FBXO41: variants seen among roughly 807,000 people sequenced by gnomAD.
FBXO41 encodes F-box protein 41, also known as F-box only protein 41.
FBXO41 carries 33 observed loss-of-function variants against 81.6 expected under a neutral mutation model. The ratio of observed to expected loss-of-function variants is 0.40; its 90% CI spans 0.31 to 0.54. FBXO41 has a LOEUF of 0.54. FBXO41 is among the 20% of genes least tolerant of loss of function. FBXO41 has a pLI of 0.39. For missense variants in FBXO41, 1,107 were observed against 1,236.0 expected (o/e 0.90, Z 1.56); for synonymous variants, 576 against 552.7 (o/e 1.04, Z -0.59).
Position 73,260,082 on chromosome 2 carries a change from G to C in FBXO41, c.2449+307C>G, listed in dbSNP as rs765159085. 6.6e-6 allele frequency among the ~76,000 whole-genome samples: 1 copy of C among 152,030 alleles called. No individual in the cohort carries two copies. The highest frequency in any genetic ancestry group is 2.4e-5 in the African/African-American group (1 of 41,364). The stretch of plus-strand genomic sequence containing the variant: ...TCTTCACCCTGAGAACTGTCCTTGG[G>C]GGGGCTTCCATATATCATCTCATTT... On this transcript the variant is annotated intron_variant, in intron 11 of 12. Transcript: ENST00000520530. The surrounding 1 kb of genome is among the most constrained non-coding windows in gnomAD (Gnocchi z 5.0).
Position 73,265,896 on chromosome 2 carries a change from G to A in FBXO41, c.1202C>T (p.Thr401Ile). The change falls in exon 4 of 13, where the codon ACA becomes ATA. Residue 401 changes from threonine (T) to isoleucine (I), a missense_variant. Thr to Ile is a moderately conservative substitution (Grantham distance 89, BLOSUM62 -1). Around this residue, in one of 2 missense-constraint regions of FBXO41, gnomAD observed 771 missense variants for 789.2 expected, o/e 0.98. Transcript: ENST00000520530. ...GTGGGCTGGGCCCAAGGCTTACCCT[G>A]TGCTCGGAGAGGAGCCATGCCGTGA... Reference protein sequence around the residue: ...AVSRHGSSPSTGASSRVPAAS... With the variant: ...AVSRHGSSPSIGASSRVPAAS... The A allele has an allele frequency of 1.3e-6, 2 of 1,584,944 alleles. No homozygotes were observed. Among genetic ancestry groups the A allele is most frequent in the Non-Finnish European group, 8.6e-7 (1 of 1,165,556 alleles).
intron 4 of FBXO41, 95 bp downstream of exon 4, chr2:73,265,798 G>T: frequency 6.8e-7 from 1 of 1,472,512 alleles, no homozygotes; most frequent in Non-Finnish European, 9.2e-7. Flanking sequence ...CCCAGGGAGG[G>T]TAGGGGCAGG....
Position 73,266,526 on chromosome 2 carries a change from G to A in FBXO41, c.1062C>T (p.Pro354=), listed in dbSNP as rs2103879394. The change falls in exon 3 of 13, where the codon CCC becomes CCT. Residue 354 remains proline, a synonymous_variant. Transcript: ENST00000520530. The surrounding 1 kb of genome is among the most constrained non-coding windows in gnomAD (Gnocchi z 5.3). ...QVISSSCGST[P]SASLGRGGGG... is the part of the protein sequence containing the mutation. ...CACCTCCACGGCCCAGGCTGGCGCTGGGCGTGCTGCCACAGCTGCTGCTGA... is the reference window on the plus strand; with the variant it reads ...CACCTCCACGGCCCAGGCTGGCGCTAGGCGTGCTGCCACAGCTGCTGCTGA... The A allele has an allele frequency of 1.9e-6, 3 of 1,605,166 alleles. No homozygotes were observed. The highest frequency in any genetic ancestry group is 3.4e-5 in the Admixed American group (2 of 59,114).
chr2:73,278,713 G>C (rs6546814), intron 1 of FBXO41, among the ~76,000 whole-genome samples: 1 of 152,188 alleles, frequency 6.6e-6, no homozygotes, highest in Non-Finnish European at 1.5e-5. Context: ...GACTCTTGAA[G>C]AGCAAAATAT....
rs752206156 is a variant in FBXO41 at position 73,260,837 on chromosome 2, A to C, written c.2193T>G (p.Ser731Arg). 5.1e-6 allele frequency: 8 copies of C among 1,567,216 alleles called. No individual in the cohort carries two copies. The highest frequency in any genetic ancestry group is 6.1e-6 in the Non-Finnish European group (7 of 1,154,942). Reference protein sequence around the residue: ...LHPCQQPTRFSNRCLQMIGRC... With the variant: ...LHPCQQPTRFRNRCLQMIGRC... ...GACCAATCATCTGCAGGCAGCGGTT[A>C]CTGAAGCGTGTGGGCTGCTGGCTGG... Residue 731 changes from serine (S) to arginine (R), a missense_variant, in exon 10 of 13, where the codon AGT becomes AGG. This residue lies in a region of FBXO41 where 336 missense variants were observed against 446.7 expected (regional missense o/e 0.75). Coordinates refer to ENST00000520530, the MANE Select transcript of FBXO41 (RefSeq NM_001371389.2). This position sits in a 1 kb window ranked among gnomAD's most constrained non-coding sequence, Gnocchi z 5.0.
chr2:73,270,790 C>G (rs771901311), intron 1 of FBXO41: 5 of 533,924 alleles, frequency 9.4e-6, no homozygotes, highest in African/African-American at 1.9e-5. Flanking sequence ...TCACTCTTCT[C>G]CTACCTTGTG....
chr2:73,259,762 G>A lies in FBXO41; in HGVS notation c.2450-466C>T, dbSNP rs1687939084. 6.6e-6 allele frequency among the ~76,000 whole-genome samples: 1 copy of A among 152,134 alleles called. No homozygotes were observed. The highest frequency in any genetic ancestry group is 2.1e-4 in the South Asian group (1 of 4,826). On this transcript the variant is annotated intron_variant, in intron 11 of 12. Coordinates refer to ENST00000520530, the MANE Select transcript of FBXO41 (RefSeq NM_001371389.2). The surrounding 1 kb of genome is among the most constrained non-coding windows in gnomAD (Gnocchi z 4.2). ...AAGATCAGGCGACTGAGAAGGGCCTGGAGGTCATGATTCTGGAGGCTGAGC... is the reference window on the plus strand; with the variant it reads ...AAGATCAGGCGACTGAGAAGGGCCTAGAGGTCATGATTCTGGAGGCTGAGC...
chr2:73,260,458 G>A lies in FBXO41; in HGVS notation c.2380C>T (p.Leu794=). Residue 794 remains leucine, a synonymous_variant, in exon 11 of 13, where the codon CTG becomes TTG. Transcript: ENST00000520530. The surrounding 1 kb of genome is among the most constrained non-coding windows in gnomAD (Gnocchi z 5.0). ...EVAAEVCREG[L]KGLEMLVLTA... ...AGCACCAGCATCTCCAGTCCCTTCAGGCCTTCCCGGCAGACCTCTGCTGCC... is the reference window on the plus strand; with the variant it reads ...AGCACCAGCATCTCCAGTCCCTTCAAGCCTTCCCGGCAGACCTCTGCTGCC... 2 of 1,607,730 alleles carry A rather than the reference G, an allele frequency of 1.2e-6. No individual in the cohort carries two copies. The highest frequency in any genetic ancestry group is 2.2e-5 in the South Asian group (2 of 89,398).
rs143726968 is a variant in FBXO41, at chr2:73,265,630, G to A, written c.1216C>T (p.Arg406Cys). The change falls in exon 5 of 13, where the codon CGT becomes TGT. Residue 406 changes from arginine to cysteine, a missense_variant. This residue lies in a region of FBXO41 where 771 missense variants were observed against 789.2 expected (regional missense o/e 0.98). Coordinates refer to ENST00000520530, the MANE Select transcript of FBXO41 (RefSeq NM_001371389.2). Reference sequence around the variant, plus strand: ...GAGCTCTGGGATGCGGCTGGCACACGGCTGGAGGCCCTGGGGCAGGGTGGA... The same window carrying A: ...GAGCTCTGGGATGCGGCTGGCACACAGCTGGAGGCCCTGGGGCAGGGTGGA... ...GSSPSTGASS[R>C]VPAASQSSGC... is the part of the protein sequence containing the mutation. 174 of 1,513,570 alleles carry A rather than the reference G, an allele frequency of 1.1e-4. No individual in the cohort carries two copies. The highest frequency in any genetic ancestry group is 7.1e-4 in the Middle Eastern group (4 of 5,610). The allele number at this position is 1,513,570 out of a possible 1,614,324, so 93.8% of individuals were successfully genotyped here. A position where few individuals can be genotyped will look rare whatever the true frequency, so the allele number is the denominator to read the frequency against.
At position 73,269,090 on chromosome 2, in the gene FBXO41, G is replaced by A. The variant is rs1032321777; in HGVS notation, c.541C>T (p.Pro181Ser). The change falls in exon 2 of 13, where the codon CCC (proline) becomes TCC (serine). Residue 181 changes from proline (P) to serine (S), a missense_variant. Physicochemically the swap from Pro to Ser is moderately conservative, Grantham distance 74. This residue lies in a region of FBXO41 where 771 missense variants were observed against 789.2 expected (regional missense o/e 0.98). Coordinates refer to ENST00000520530, the MANE Select transcript of FBXO41 (RefSeq NM_001371389.2). This position sits in a 1 kb window ranked among gnomAD's most constrained non-coding sequence, Gnocchi z 7.0. ...GCGGGCGAAGCGGAGGCAGGCCCGG[G>A]GCAAGGGCCGGGGCCGGGGCCAGGC... ...PPPGPGPGPC[P>S]GPASASPASP... 8 of 1,507,308 alleles carry A rather than the reference G, an allele frequency of 5.3e-6. No homozygotes were observed. In the African/African-American group the frequency reaches 1.1e-4, roughly 22 times the overall value. The allele number at this position is 1,507,308 out of a possible 1,614,324, so 93.4% of individuals were successfully genotyped here. A position where few individuals can be genotyped will look rare whatever the true frequency, so the allele number is the denominator to read the frequency against.
At chr2:73,281,695 T>C (rs990476795) in intron 1 of FBXO41, among the ~76,000 whole-genome samples, 8 of 152,318 alleles carry the variant, frequency 5.3e-5, no homozygotes, top group African/African-American at 1.9e-4. Context: ...GCTCTCAACA[T>C]AATGCAGCTG....
chr2:73,262,516 T>A (rs1398079065), intron 9 of FBXO41, among the ~76,000 whole-genome samples: 1 of 152,362 alleles, frequency 6.6e-6, no homozygotes, highest in East Asian at 1.9e-4. Context: ...ACCTTTCATA[T>A]GTCAAACAAA....
Position 73,260,824 on chromosome 2 carries a change from GC to G in FBXO41, c.2205del (p.Gln736ArgfsTer2). 1 of 1,569,754 alleles carries G rather than the reference GC, an allele frequency of 6.4e-7. No individual in the cohort carries two copies. Among genetic ancestry groups the G allele is most frequent in the Non-Finnish European group, 8.6e-7 (1 of 1,156,200 alleles). On this transcript the variant is annotated frameshift_variant, in exon 10 of 13. Transcript: ENST00000520530. LOFTEE classifies it high-confidence loss of function. This position sits in a 1 kb window ranked among gnomAD's most constrained non-coding sequence, Gnocchi z 5.0. ...TGGGGCCAACAGCGACCAATCATCT[GC>G]AGGCAGCGGTTACTGAAGCGTGTGG... ...QQPTRFSNRC[L>X]QMIGRCWPHL...
Position 73,254,797 on chromosome 2 carries a change from T to TA in FBXO41, c.*4184dup, listed in dbSNP as rs1687744941. 6.5e-6 allele frequency: 1 copy of TA among 152,708 alleles called. No individual in the cohort carries two copies. Among genetic ancestry groups the TA allele is most frequent in the Admixed American group, 6.5e-5 (1 of 15,282 alleles). 9.5% of individuals were successfully genotyped at this position (152,708 alleles called of 1,614,324 possible). On this transcript the variant is annotated 3_prime_UTR_variant, in exon 13 of 13. Transcript: ENST00000520530. Reference sequence around the variant, plus strand: ...CAGGTACATTCAGCAAAGGGCATCTTACGGGTGACATGGAGCAAAGTGCTG... The same window carrying TA: ...CAGGTACATTCAGCAAAGGGCATCTTAACGGGTGACATGGAGCAAAGTGCTG...
At position 73,258,967 on chromosome 2, in the gene FBXO41, C is replaced by A; in HGVS notation, c.*15G>T. 6.4e-7 allele frequency: 1 copy of A among 1,563,180 alleles called. No individual in the cohort carries two copies. The highest frequency in any genetic ancestry group is 8.7e-7 in the Non-Finnish European group (1 of 1,154,092). On this transcript the variant is annotated 3_prime_UTR_variant, in exon 13 of 13. Coordinates refer to ENST00000520530, the MANE Select transcript of FBXO41 (RefSeq NM_001371389.2). ...GGTGTGGGGCTGGCAGGGGCCCTGC[C>A]GCCCCCTACCCGGGTTAGCAGCCGC...
In FBXO41 at chr2:73,271,087, T is replaced by C. The variant is rs1016074757; in HGVS notation, c.-138-1319A>G. On this transcript the variant is annotated intron_variant, in intron 1 of 12. Transcript: ENST00000520530. ...GTCTGCCTCTGGAGCCCTCCATCTC[T>C]ATTCTCCCCCTAGGAAGGCAGTCAG... is the stretch of plus-strand genomic sequence containing the variant. 33 of 374,780 alleles carry C rather than the reference T, an allele frequency of 8.8e-5. 1 individual carries two copies. The highest frequency in any genetic ancestry group is 6.4e-4 in the South Asian group (32 of 50,290). The allele number at this position is 374,780 out of a possible 1,614,324, so 23.2% of individuals were successfully genotyped here.
chr2:73,269,846 C>A lies in FBXO41; in HGVS notation c.-138-78G>T. 4.8e-6 allele frequency: 1 copy of A among 208,278 alleles called. No homozygotes were observed. Among genetic ancestry groups the A allele is most frequent in the Non-Finnish European group, 9.3e-6 (1 of 107,228 alleles). The allele number at this position is 208,278 out of a possible 1,614,324, so 12.9% of individuals were successfully genotyped here. ...GCTCCCAGCCCGGAGCCCTCATCCC[C>A]CAGCCATGAGGAAATCAGCATTGAG... On this transcript the variant is annotated intron_variant, in intron 1 of 12. Coordinates refer to ENST00000520530, the MANE Select transcript of FBXO41 (RefSeq NM_001371389.2). The surrounding 1 kb of genome is among the most constrained non-coding windows in gnomAD (Gnocchi z 7.0).
chr2:73,270,216 GAC>G (rs1688450699), intron 1 of FBXO41, among the ~76,000 whole-genome samples: 1 of 152,316 alleles, frequency 6.6e-6, no homozygotes, highest in African/African-American at 2.4e-5. Context: ...TTCAAGAACA[GAC>G]ACAATTGATG....
intron 1 of FBXO41, among the ~76,000 whole-genome samples, chr2:73,276,393 G>T (rs572535096): frequency 1.3e-5 from 2 of 151,814 alleles, no homozygotes; most frequent in East Asian, 3.9e-4. Flanking sequence ...GGCAACAAGA[G>T]CAAAACTCCA....
Sources: gnomAD v4.1 joint callset for allele counts (sites outside exome capture counted in the v4.1 genomes callset) on GRCh38, gnomAD v4.1.1 for gene constraint, gnomAD v4.1.1 regional missense constraint, Gnocchi (gnomAD v3.1) non-coding constraint, MANE v1.5 for transcripts, NCBI Gene and HGNC (gene_info 2026-07-23, HGNC 2026-07-21) for gene names.